Variants in EDA observed in about 807,000 individuals in gnomAD.
EDA encodes the protein ectodysplasin A, also known as ectodysplasin-A.
A neutral mutation model predicts 23.6 loss-of-function variants in EDA; 2 were observed. The ratio of observed to expected loss-of-function variants is 0.08; its 90% CI spans 0.03 to 0.27. The LOEUF is 0.27. Among genes scored for constraint, EDA ranks in the 10% least tolerant of loss-of-function variants. The pLI, the probability that EDA is intolerant of heterozygous loss-of-function variation, is 1.00. For synonymous variants in EDA, 131 were observed against 132.0 expected (o/e 0.99, Z 0.05); for missense variants, 229 against 324.2 (o/e 0.71, Z 2.26).
At chrX:69,826,425 G>T (rs2016437363) in intron 1 of EDA, among the ~76,000 whole-genome samples, 1 of 109,557 alleles carries the variant, frequency 9.1e-6, no homozygotes, top group African/African-American at 3.3e-5. Flanking sequence ...AGCTCTTCTT[G>T]TTGAATTGAT....
chrX:69,905,587 G>A (rs747673496), intron 1 of EDA, among the ~76,000 whole-genome samples: 6 of 111,476 alleles, frequency 5.4e-5, no homozygotes, highest in African/African-American at 1.9e-4. Context: ...TTTCTTCTTG[G>A]CATCCCTTCT....
chrX:69,871,850 C>T (rs1185895014), intron 1 of EDA, among the ~76,000 whole-genome samples: 1 of 112,065 alleles, frequency 8.9e-6, no homozygotes, highest in East Asian at 2.8e-4. Flanking sequence ...GAAAACTTCC[C>T]TGGCCTTGCT....
intron 1 of EDA, among the ~76,000 whole-genome samples, chrX:69,728,207 G>T (rs989161253): frequency 9.7e-6 from 1 of 102,985 alleles, no homozygotes; most frequent in Non-Finnish European, 2.0e-5. Flanking sequence ...TCACACCACT[G>T]CACTCCAGCC....
chrX:69,897,521 A>T (rs1245069396), intron 1 of EDA, among the ~76,000 whole-genome samples: 2 of 112,172 alleles, frequency 1.8e-5, no homozygotes, highest in Non-Finnish European at 1.9e-5. Flanking sequence ...CTTTTACTTA[A>T]ACTACTAAAG....
chrX:69,953,632 C>A (rs189926638), intron 1 of EDA, among the ~76,000 whole-genome samples: 2 of 111,544 alleles, frequency 1.8e-5, no homozygotes, highest in East Asian at 5.6e-4. Context: ...TAGGAAAAAC[C>A]CAAATGTCTA....
chrX:69,937,917 T>C, intron 1 of EDA: 1 of 1,202,991 alleles, frequency 8.3e-7, no homozygotes. Context: ...AACGTAATTA[T>C]ATTTTCGGAT....
intron 2 of EDA, among the ~76,000 whole-genome samples, chrX:69,984,186 C>T (rs2019461060): frequency 3.6e-5 from 1 of 28,083 alleles, no homozygotes; most frequent in African/African-American, 1.6e-4. Context: ...CCAAAATTGA[C>T]ACCCTAACAT....
intron 1 of EDA, among the ~76,000 whole-genome samples, chrX:69,732,279 T>G (rs1275011160): frequency 9.0e-6 from 1 of 110,884 alleles, no homozygotes. Flanking sequence ...GGCCCCAGTG[T>G]GTGATGTTCC....
intron 1 of EDA, among the ~76,000 whole-genome samples, chrX:69,866,241 C>T (rs143035608): frequency 0.015 from 1,622 of 111,114 alleles, 22 homozygotes; most frequent in South Asian, 0.053. Flanking sequence ...TGCTAAGAGA[C>T]GCCCTAATGG....
chrX:69,746,754 AAAAG>A (rs1245930825), intron 1 of EDA, among the ~76,000 whole-genome samples: 1 of 111,368 alleles, frequency 9.0e-6, no homozygotes, highest in Non-Finnish European at 1.9e-5. Context: ...ACCAAAATAA[AAAAG>A]AAAGAAATTG....
intron 1 of EDA, among the ~76,000 whole-genome samples, chrX:69,706,860 G>A (rs762403616): frequency 9.0e-6 from 1 of 111,114 alleles, no homozygotes; most frequent in South Asian, 3.8e-4. Context: ...GGCCTAATGA[G>A]GCATGTCTGA....
chrX:69,642,563 A>T (rs781001120), intron 1 of EDA, among the ~76,000 whole-genome samples: 1 of 111,260 alleles, frequency 9.0e-6, no homozygotes, highest in South Asian at 3.8e-4. Flanking sequence ...CAAAATTGGT[A>T]TAATATGAAG....
intron 1 of EDA, among the ~76,000 whole-genome samples, chrX:69,778,014 G>T (rs910905859): frequency 9.0e-6 from 1 of 111,274 alleles, no homozygotes; most frequent in African/African-American, 3.3e-5. Flanking sequence ...ATAAGACGTT[G>T]CTGGTTTTTT....
At chrX:69,819,659 TG>T (rs1409542117) in intron 1 of EDA, among the ~76,000 whole-genome samples, 15 of 110,896 alleles carry the variant, frequency 1.4e-4, no homozygotes, top group Non-Finnish European at 1.3e-4. Context: ...CCTAGGAATA[TG>T]GCTAACAAGG....
At chrX:69,667,894 C>A (rs2147263454) in intron 1 of EDA, among the ~76,000 whole-genome samples, 1 of 111,864 alleles carries the variant, frequency 8.9e-6, no homozygotes, top group African/African-American at 3.2e-5. Flanking sequence ...AAGATGGGGC[C>A]AAACTGGCTT....
At chrX:69,922,141 C>T (rs1354107247) in intron 1 of EDA, among the ~76,000 whole-genome samples, 1 of 112,228 alleles carries the variant, frequency 8.9e-6, no homozygotes, top group African/African-American at 3.2e-5. Context: ...ATAGCTCATT[C>T]CTGTTTTATC....
chrX:69,684,760 A>G (rs1934490181), intron 1 of EDA, among the ~76,000 whole-genome samples: 1 of 112,726 alleles, frequency 8.9e-6, no homozygotes, highest in Non-Finnish European at 1.9e-5. Flanking sequence ...ACAGATGTTG[A>G]CTGATTGAAA....
At chrX:69,665,638 G>A (rs749121246) in intron 1 of EDA, among the ~76,000 whole-genome samples, 2 of 110,698 alleles carry the variant, frequency 1.8e-5, no homozygotes, top group Non-Finnish European at 1.9e-5. Context: ...TTTCCTGGGC[G>A]CTCTATTCTG....
At chrX:69,832,213 T>C (rs911824543) in intron 1 of EDA, among the ~76,000 whole-genome samples, 8 of 111,965 alleles carry the variant, frequency 7.1e-5, no homozygotes, top group Non-Finnish European at 1.3e-4. Flanking sequence ...TTAATTTTTG[T>C]ATAAGGTGTA....
Sources: allele counts gnomAD v4.1 joint callset (sites outside exome capture counted in the v4.1 genomes callset), GRCh38; gene constraint gnomAD v4.1.1; transcripts MANE v1.5; gene names NCBI Gene and HGNC (gene_info 2026-07-23, HGNC 2026-07-21).